Variants in SAXO1 observed in about 807,000 individuals in gnomAD.
SAXO1 encodes 4930500O09Rik.
Under a neutral mutation model 17.5 loss-of-function variants are expected in SAXO1, and 21 were observed. The observed-to-expected ratio is 1.20, with a 90% CI of 0.85 to 1.72. The LOEUF is 1.72. SAXO1 is among the 40% of genes most tolerant of loss of function. The pLI is 0.00. For missense variants in SAXO1, 843 were observed against 596.0 expected (o/e 1.41, Z -4.32); for synonymous variants, 274 against 216.5 (o/e 1.27, Z -2.33).
rs534514279 is a variant in SAXO1 at position 19,027,158 on chromosome 9, G to A, written c.38+5713C>T. On this transcript the variant is annotated intron_variant, in intron 1 of 3. Coordinates refer to ENST00000380534, the MANE Select transcript of SAXO1 (RefSeq NM_153707.4). ...TGGATGTTGATCCCAATGATCAAGA[G>A]GAGGATGGTCCAAATATTGACCTGG... is the stretch of plus-strand genomic sequence containing the variant. 19 of 1,156,990 alleles carry A rather than the reference G, an allele frequency of 1.6e-5. No homozygotes were observed. In the South Asian group the frequency reaches 1.8e-4, roughly 11 times the overall value. 71.7% of individuals were successfully genotyped at this position (1,156,990 alleles called of 1,614,324 possible).
upstream of SAXO1, among the ~76,000 whole-genome samples, chr9:19,037,922 G>A (rs150212972): frequency 2.2e-4 from 33 of 152,270 alleles, no homozygotes; most frequent in East Asian, 2.9e-3. Context: ...TACTAGATCT[G>A]GGATTCAGAT....
chr9:19,025,649 T>A (rs1835440545), intron 1 of SAXO1, among the ~76,000 whole-genome samples: 1 of 152,220 alleles, frequency 6.6e-6, no homozygotes, highest in African/African-American at 2.4e-5. Flanking sequence ...CAATGCTTCA[T>A]AAATATTTCA....
chr9:18,998,479 C>T (rs768695303), intron 1 of SAXO1, among the ~76,000 whole-genome samples: 1 of 152,190 alleles, frequency 6.6e-6, no homozygotes, highest in Non-Finnish European at 1.5e-5. Context: ...AAGACCAAAT[C>T]TATGTCTGAT....
At position 18,990,168 on chromosome 9, in the gene SAXO1, C is replaced by CTT. The variant is rs11344361; in HGVS notation, c.39-39233_39-39232dup. On this transcript the variant is annotated intron_variant, in intron 1 of 3. Transcript: ENST00000380534. Reference sequence around the variant, plus strand: ...GCGCACACCAAGCAGGAGTCATGGACTTTTTTTTTTTTTTTCCTAACAACT... The same window carrying CTT: ...GCGCACACCAAGCAGGAGTCATGGACTTTTTTTTTTTTTTTTTCCTAACAACT... 1.8e-4 allele frequency among the ~76,000 whole-genome samples: 27 copies of CTT among 148,444 alleles called. No individual in the cohort carries two copies. In the South Asian group the frequency reaches 5.3e-3, roughly 29 times the overall value.
chr9:18,975,071 G>A lies in SAXO1; in HGVS notation c.39-24134C>T, dbSNP rs139131843. 9.9e-5 allele frequency among the ~76,000 whole-genome samples: 15 copies of A among 152,228 alleles called. No individual in the cohort carries two copies. The East Asian group carries it at 1.4e-3, about 14-fold the overall frequency. ...AAGAAGGTGGGGAGGCTTCAAAGGC[G>A]GTAATACTTGAATCAGGTGTTGAAG... is the stretch of plus-strand genomic sequence containing the variant. On this transcript the variant is annotated intron_variant, in intron 1 of 3. Transcript: ENST00000380534.
In SAXO1 at chr9:18,989,841, A is replaced by G. The variant is rs529164326; in HGVS notation, c.39-38904T>C. 3.0e-3 allele frequency among the ~76,000 whole-genome samples: 459 copies of G among 152,344 alleles called. 8 individuals are homozygous for G. The South Asian group carries it at 0.044, about 15-fold the overall frequency. ...GTTTACCTGTCCAAGAGGAACTTCA[A>G]CATCATGAGTGAAGTGGCCAACATT... On this transcript the variant is annotated intron_variant, in intron 1 of 3. Transcript: ENST00000380534.
chr9:18,942,255 C>T (rs370018001), intron 2 of SAXO1, among the ~76,000 whole-genome samples: 1 of 152,190 alleles, frequency 6.6e-6, no homozygotes, highest in East Asian at 1.9e-4. Context: ...AGATGGCTTT[C>T]CCCAGTTTAA....
At chr9:19,004,733 G>C (rs1007256801) in intron 1 of SAXO1, among the ~76,000 whole-genome samples, 1 of 152,160 alleles carries the variant, frequency 6.6e-6, no homozygotes, top group Non-Finnish European at 1.5e-5. Context: ...AGGGGGCAAG[G>C]GGAGGGATAG....
At chr9:18,949,789 A>G (rs1165200135) in intron 2 of SAXO1, among the ~76,000 whole-genome samples, 1 of 152,184 alleles carries the variant, frequency 6.6e-6, no homozygotes, top group Non-Finnish European at 1.5e-5. Context: ...CAAAATCATG[A>G]AGCAAAAGGG....
intron 1 of SAXO1, among the ~76,000 whole-genome samples, chr9:18,976,687 T>C (rs1019935361): frequency 1.3e-5 from 2 of 152,246 alleles, no homozygotes; most frequent in African/African-American, 2.4e-5. Flanking sequence ...TCAGGGACGC[T>C]TTCCTGAGTC....
At chr9:19,024,290 C>G (rs1350587396) in intron 1 of SAXO1, among the ~76,000 whole-genome samples, 4 of 151,902 alleles carry the variant, frequency 2.6e-5, no homozygotes, top group African/African-American at 7.3e-5. Flanking sequence ...CCTCCAGGGC[C>G]TGTGCTCCTC....
chr9:18,961,383 G>A lies in SAXO1; in HGVS notation c.39-10446C>T, dbSNP rs200020991. On this transcript the variant is annotated intron_variant, in intron 1 of 3. Coordinates refer to ENST00000380534, the MANE Select transcript of SAXO1 (RefSeq NM_153707.4). ...CTTTAAGTTCTGGGATACATGTGCA[G>A]AACGTGCAGGTTTGTTACATAGGTA... Among the ~76,000 whole-genome samples the A allele has an allele frequency of 7.2e-5, 11 of 152,216 alleles. No homozygotes were observed. In the East Asian group the frequency reaches 2.1e-3, roughly 29 times the overall value.
At chr9:19,001,957 G>T (rs1235594362) in intron 1 of SAXO1, among the ~76,000 whole-genome samples, 1 of 152,076 alleles carries the variant, frequency 6.6e-6, no homozygotes, top group African/African-American at 2.4e-5. Flanking sequence ...GAATCCAGGA[G>T]CTGGTTTTTT....
At chr9:18,985,246 A>G (rs1222454220) in intron 1 of SAXO1, among the ~76,000 whole-genome samples, 1 of 152,248 alleles carries the variant, frequency 6.6e-6, no homozygotes, top group Admixed American at 6.5e-5. Context: ...AAATAGTAAC[A>G]TCAAAGGTTA....
intron 1 of SAXO1, among the ~76,000 whole-genome samples, chr9:19,028,306 G>A (rs971947792): frequency 3.3e-5 from 5 of 152,222 alleles, no homozygotes; most frequent in African/African-American, 1.2e-4. Flanking sequence ...AGCCCGGGAG[G>A]CGGAGGTTGC....
chr9:19,034,147 G>A (rs924074257), upstream of SAXO1, among the ~76,000 whole-genome samples: 1 of 152,206 alleles, frequency 6.6e-6, no homozygotes, highest in East Asian at 1.9e-4. Context: ...GGAGCTTAAA[G>A]TATTGACAAT....
Position 19,023,699 on chromosome 9 carries a change from A to G in SAXO1, c.38+9172T>C, listed in dbSNP as rs183671039. On this transcript the variant is annotated intron_variant, in intron 1 of 3. Transcript: ENST00000380534. ...ATCTTTAAGGAAATATTAGCAAACT[A>G]CAAATCCACTCAGAAAAACCAAAAC... 3.9e-5 allele frequency among the ~76,000 whole-genome samples: 6 copies of G among 152,340 alleles called. No individual in the cohort carries two copies. In the East Asian group the frequency reaches 7.7e-4, roughly 20 times the overall value.
At chr9:18,956,151 A>T (rs538000310) in intron 1 of SAXO1, among the ~76,000 whole-genome samples, 8 of 130,984 alleles carry the variant, frequency 6.1e-5, no homozygotes, top group African/African-American at 2.0e-4. Context: ...GAGTTTTGCC[A>T]TGTTGCCCAG....
chr9:18,933,571 A>C (rs1486998461), intron 3 of SAXO1, among the ~76,000 whole-genome samples: 1 of 152,172 alleles, frequency 6.6e-6, no homozygotes. Context: ...ACTTCTTGCA[A>C]GCTAGGTACC....
Sources: gnomAD v4.1 joint callset for allele counts (sites outside exome capture counted in the v4.1 genomes callset) on GRCh38, gnomAD v4.1.1 for gene constraint, MANE v1.5 for transcripts, NCBI Gene and HGNC (gene_info 2026-07-23, HGNC 2026-07-21) for gene names.